Variants in CCSER1 observed in about 807,000 individuals in gnomAD.
The protein encoded by CCSER1 is coiled-coil serine rich protein 1.
In CCSER1, 41 loss-of-function variants were observed where a neutral mutation model predicts 82.0. The ratio of observed to expected loss-of-function variants is 0.50; its 90% CI spans 0.39 to 0.65. The LOEUF (loss-of-function observed/expected upper bound fraction) is 0.65, where lower values mean the gene tolerates loss of function less well. Among genes scored for constraint, CCSER1 ranks in the 30% least tolerant of loss-of-function variants. The pLI is 0.00. For synonymous variants in CCSER1, 414 were observed against 383.9 expected, an observed-to-expected ratio of 1.08 and a Z score of -0.92; for missense variants, 1,119 against 1,064.2, an observed-to-expected ratio of 1.05 and a Z score of -0.72.
chr4:90,975,739 C>T (rs1172954186), intron 9 of CCSER1, among the ~76,000 whole-genome samples: 2 of 151,144 alleles, frequency 1.3e-5, no homozygotes, highest in Non-Finnish European at 3.0e-5. Flanking sequence ...CACATTATTA[C>T]CAATGTGTTT....
chr4:90,528,541 T>C (rs116395817), intron 5 of CCSER1, among the ~76,000 whole-genome samples: 1,713 of 152,310 alleles, frequency 0.011, 30 homozygotes, highest in African/African-American at 0.039. Context: ...TTTTATTCAG[T>C]TACTCATGGA....
intron 5 of CCSER1, among the ~76,000 whole-genome samples, chr4:90,476,634 G>A (rs1307575127): frequency 6.6e-6 from 1 of 152,006 alleles, no homozygotes; most frequent in African/African-American, 2.4e-5. Context: ...AACTAAAGAA[G>A]GTTTTCAAAC....
At chr4:91,110,389 A>T (rs1268584057) in intron 10 of CCSER1, among the ~76,000 whole-genome samples, 1 of 152,046 alleles carries the variant, frequency 6.6e-6, no homozygotes, top group Admixed American at 6.6e-5. Flanking sequence ...AATATCTGGT[A>T]CCAATAAAAA....
intron 9 of CCSER1, among the ~76,000 whole-genome samples, chr4:91,082,533 T>C (rs994974642): frequency 3.3e-5 from 5 of 152,126 alleles, no homozygotes; most frequent in Non-Finnish European, 5.9e-5. Flanking sequence ...CCAAAAGCAA[T>C]GGCAACAGAA....
intron 1 of CCSER1, among the ~76,000 whole-genome samples, chr4:90,130,972 T>A (rs1024514849): frequency 1.3e-4 from 20 of 151,850 alleles, no homozygotes; most frequent in African/African-American, 4.8e-4. Context: ...AGAAGACAAA[T>A]CTTTAGCTTT....
chr4:91,436,535 G>C (rs918148504), intron 10 of CCSER1, among the ~76,000 whole-genome samples: 1 of 152,190 alleles, frequency 6.6e-6, no homozygotes, highest in Non-Finnish European at 1.5e-5. Flanking sequence ...TAGAGATTCT[G>C]CTTCAAGACA....
intron 8 of CCSER1, among the ~76,000 whole-genome samples, chr4:90,884,887 T>C (rs1721889921): frequency 6.6e-6 from 1 of 152,128 alleles, no homozygotes; most frequent in Non-Finnish European, 1.5e-5. Context: ...AAGGATGATT[T>C]TTGAAATATA....
intron 6 of CCSER1, among the ~76,000 whole-genome samples, chr4:90,722,392 G>C (rs1157114783): frequency 6.6e-6 from 1 of 151,716 alleles, no homozygotes; most frequent in Non-Finnish European, 1.5e-5. Flanking sequence ...TCAGCATAAA[G>C]CTTCATTCAT....
chr4:90,686,265 T>G (rs1038826350), intron 6 of CCSER1, among the ~76,000 whole-genome samples: 48 of 152,216 alleles, frequency 3.2e-4, no homozygotes, highest in African/African-American at 1.2e-3. Context: ...ACCTCTGCCA[T>G]GAACGGAATC....
intron 1 of CCSER1, among the ~76,000 whole-genome samples, chr4:90,204,782 G>A (rs1308916256): frequency 6.6e-6 from 1 of 152,166 alleles, no homozygotes; most frequent in Admixed American, 6.6e-5. Flanking sequence ...ATTACTTTGA[G>A]CAGTATGGCC....
At chr4:91,553,849 T>TA (rs1012034969) in intron 10 of CCSER1, among the ~76,000 whole-genome samples, 18 of 150,716 alleles carry the variant, frequency 1.2e-4, no homozygotes, top group Non-Finnish European at 7.4e-5. Context: ...ATCAATTTTT[T>TA]AAAAAAAACC....
At chr4:90,624,322 T>C (rs979352705) in intron 5 of CCSER1, among the ~76,000 whole-genome samples, 1 of 152,118 alleles carries the variant, frequency 6.6e-6, no homozygotes, top group African/African-American at 2.4e-5. Flanking sequence ...TATTAAGAAG[T>C]TTTCAAATGA....
At chr4:90,842,665 C>T (rs891791099) in intron 8 of CCSER1, among the ~76,000 whole-genome samples, 1 of 152,022 alleles carries the variant, frequency 6.6e-6, no homozygotes, top group African/African-American at 2.4e-5. Context: ...AAGAAATGGG[C>T]TTAATGTTAG....
At chr4:91,529,070 A>G (rs1760903750) in intron 10 of CCSER1, among the ~76,000 whole-genome samples, 1 of 152,156 alleles carries the variant, frequency 6.6e-6, no homozygotes, top group Non-Finnish European at 1.5e-5. Flanking sequence ...CTTTGCTAAT[A>G]TCACAGGTTT....
intron 10 of CCSER1, among the ~76,000 whole-genome samples, chr4:91,380,505 C>T (rs1369720408): frequency 1.3e-5 from 2 of 152,122 alleles, no homozygotes; most frequent in Non-Finnish European, 2.9e-5. Flanking sequence ...TATGTAATGT[C>T]CTTCTTTGTC....
At chr4:90,690,612 C>T (rs540850240) in intron 6 of CCSER1, among the ~76,000 whole-genome samples, 1 of 152,068 alleles carries the variant, frequency 6.6e-6, no homozygotes, top group Non-Finnish European at 1.5e-5. Flanking sequence ...ATTTCCTCAT[C>T]TTTTCTTCCA....
chr4:91,181,033 C>T (rs1424501711), intron 10 of CCSER1, among the ~76,000 whole-genome samples: 2 of 152,236 alleles, frequency 1.3e-5, no homozygotes, highest in African/African-American at 4.8e-5. Flanking sequence ...GTTTTCCGCC[C>T]TGGGAGGGCC....
chr4:91,196,005 G>A (rs2149057224), intron 10 of CCSER1, among the ~76,000 whole-genome samples: 1 of 151,988 alleles, frequency 6.6e-6, no homozygotes, highest in East Asian at 1.9e-4. Flanking sequence ...GGCGTGACAC[G>A]GTGAAACCCC....
intron 1 of CCSER1, among the ~76,000 whole-genome samples, chr4:90,211,376 C>T (rs1364038193): frequency 6.6e-6 from 1 of 152,182 alleles, no homozygotes; most frequent in Non-Finnish European, 1.5e-5. Context: ...AGCATTAGTG[C>T]TTTCAAGGGA....
Sources: allele counts gnomAD v4.1 joint callset (sites outside exome capture counted in the v4.1 genomes callset), GRCh38; gene constraint gnomAD v4.1.1; transcripts MANE v1.5; gene names NCBI Gene and HGNC (gene_info 2026-07-23, HGNC 2026-07-21).